Variants in MALRD1 observed in about 807,000 individuals in gnomAD.
MALRD1 encodes MAM and LDL-receptor class A domain-containing protein 1.
A neutral mutation model predicts 242.1 loss-of-function variants in MALRD1; 247 were observed. The observed-to-expected ratio is 1.02, with a 90% CI of 0.92 to 1.13. MALRD1 has a LOEUF of 1.13. Among genes scored for constraint, MALRD1 ranks in the 50% most tolerant of loss-of-function variants. The pLI, the probability that MALRD1 is intolerant of heterozygous loss-of-function variation, is 0.00. For synonymous variants in MALRD1, 995 were observed against 866.6 expected (o/e 1.15, Z -2.60); for missense variants, 2,989 against 2,533.1 (o/e 1.18, Z -3.86).
intron 5 of MALRD1, among the ~76,000 whole-genome samples, chr10:19,117,346 A>C (rs1836906686): frequency 1.3e-5 from 2 of 152,206 alleles, no homozygotes. Flanking sequence ...AGTGGTAGAC[A>C]CTGGTGAAAG....
chr10:19,309,848 C>T (rs930446835), intron 21 of MALRD1, among the ~76,000 whole-genome samples: 1 of 151,294 alleles, frequency 6.6e-6, no homozygotes, highest in African/African-American at 2.4e-5. Context: ...ACAGCTGGCA[C>T]AAAGAATTTA....
intron 14 of MALRD1, among the ~76,000 whole-genome samples, chr10:19,196,767 A>G (rs540938520): frequency 1.1e-4 from 17 of 152,102 alleles, no homozygotes; most frequent in African/African-American, 4.1e-4. Flanking sequence ...AGTCTTCCCC[A>G]CTTCATAAAT....
chr10:19,390,564 GA>G (rs1249991680), intron 28 of MALRD1, among the ~76,000 whole-genome samples: 1 of 152,120 alleles, frequency 6.6e-6, no homozygotes, highest in East Asian at 1.9e-4. Flanking sequence ...AACAGTAGCC[GA>G]AAGGAGATGT....
intron 31 of MALRD1, among the ~76,000 whole-genome samples, chr10:19,499,387 A>G (rs1837865571): frequency 6.6e-6 from 1 of 151,396 alleles, no homozygotes; most frequent in South Asian, 2.1e-4. Context: ...ATGAACTTTG[A>G]GTAAAGTGGA....
intron 18 of MALRD1, among the ~76,000 whole-genome samples, chr10:19,228,826 T>C (rs1837910752): frequency 2.0e-5 from 3 of 152,154 alleles, no homozygotes; most frequent in African/African-American, 7.2e-5. Flanking sequence ...ATAAAGGATA[T>C]ACCAAACAAC....
At chr10:19,311,253 C>CT (rs1468040724) in intron 21 of MALRD1, among the ~76,000 whole-genome samples, 13 of 150,874 alleles carry the variant, frequency 8.6e-5, no homozygotes, top group African/African-American at 3.2e-4. Context: ...TTTTATTAAC[C>CT]TTGGTTATAT....
At position 19,517,339 on chromosome 10, in the gene MALRD1, C is replaced by A. The variant is rs115489533; in HGVS notation, c.5321-13855C>A. On this transcript the variant is annotated intron_variant, in intron 31 of 39. Transcript: ENST00000454679. ...GGTGAAAACATGGGCAATTTCTTTT[C>A]CAATAGCCTGGCTGTTTACAATAAA... 5.1e-3 allele frequency among the ~76,000 whole-genome samples: 783 copies of A among 152,226 alleles called. 9 individuals carry two copies. The highest frequency in any genetic ancestry group is 0.018 in the African/African-American group (738 of 41,546).
At chr10:19,255,980 T>C (rs1839490042) in intron 18 of MALRD1, among the ~76,000 whole-genome samples, 1 of 152,030 alleles carries the variant, frequency 6.6e-6, no homozygotes, top group Non-Finnish European at 1.5e-5. Context: ...CTTGGAACAA[T>C]TGACTCCAAA....
At chr10:19,683,981 A>T (rs1842475470) in intron 36 of MALRD1, among the ~76,000 whole-genome samples, 1 of 151,586 alleles carries the variant, frequency 6.6e-6, no homozygotes. Flanking sequence ...CCCTGTGTCC[A>T]TGTGTTCTCA....
At chr10:19,653,613 C>CTTGCCTCTGGGAGACTTTGT in intron 36 of MALRD1, among the ~76,000 whole-genome samples, 1 of 151,688 alleles carries the variant, frequency 6.6e-6, no homozygotes, top group African/African-American at 2.4e-5. Flanking sequence ...TTAATTTTTT[C>CTTGCCTCTGGGAGACTTTGT]TTCTTGCCTC....
chr10:19,541,577 AG>A (rs962082533), intron 32 of MALRD1, among the ~76,000 whole-genome samples: 2 of 152,182 alleles, frequency 1.3e-5, no homozygotes, highest in African/African-American at 4.8e-5. Context: ...AATAGATTCA[AG>A]TTTCTCCTTC....
chr10:19,085,451 T>C (rs1258470051), intron 2 of MALRD1, among the ~76,000 whole-genome samples: 1 of 151,958 alleles, frequency 6.6e-6, no homozygotes, highest in Non-Finnish European at 1.5e-5. Context: ...AAAACAGATA[T>C]TGCCACTGGG....
chr10:19,384,228 T>C (rs1422857058), intron 26 of MALRD1, among the ~76,000 whole-genome samples: 1 of 145,556 alleles, frequency 6.9e-6, no homozygotes, highest in East Asian at 2.0e-4. Context: ...TTTTGTCCTA[T>C]AGAGTTGTAA....
At chr10:19,240,577 G>C (rs1267204042) in intron 18 of MALRD1, among the ~76,000 whole-genome samples, 1 of 151,696 alleles carries the variant, frequency 6.6e-6, no homozygotes, top group African/African-American at 2.4e-5. Flanking sequence ...TTGTCTAATT[G>C]CTCTGGCTCT....
At chr10:19,152,614 G>A (rs10827000) in intron 11 of MALRD1, among the ~76,000 whole-genome samples, 11,775 of 151,898 alleles carry the variant, frequency 0.078, 560 homozygotes, top group Non-Finnish European at 0.11. Context: ...ATTTCTTGCT[G>A]TTTATGTATC....
chr10:19,482,463 A>T (rs1052399104), intron 29 of MALRD1, among the ~76,000 whole-genome samples: 1 of 152,036 alleles, frequency 6.6e-6, no homozygotes, highest in Non-Finnish European at 1.5e-5. Flanking sequence ...AAGGCATCCA[A>T]ATAGGGTAAG....
chr10:19,229,107 A>C (rs941758140), intron 18 of MALRD1, among the ~76,000 whole-genome samples: 2 of 152,076 alleles, frequency 1.3e-5, no homozygotes, highest in Non-Finnish European at 2.9e-5. Context: ...AAATAAAGTG[A>C]ACACACTGAT....
rs142597689 is a variant in MALRD1 at position 19,353,309 on chromosome 10, T to G, written c.4441+1012T>G. ...GGCATGAACCACCATGCCCAGCAGA[T>G]ATTAATTTTTTAAACCATGAGTTTA... On this transcript the variant is annotated intron_variant, in intron 26 of 39. Transcript: ENST00000454679. 3.0e-3 allele frequency among the ~76,000 whole-genome samples: 452 copies of G among 152,220 alleles called. 3 individuals are homozygous for G. The highest frequency in any genetic ancestry group is 0.01 in the African/African-American group (421 of 41,538).
intron 28 of MALRD1, among the ~76,000 whole-genome samples, chr10:19,396,852 C>A (rs1846606300): frequency 6.6e-6 from 1 of 152,112 alleles, no homozygotes. Flanking sequence ...ACTTAGCTTG[C>A]CAGCATCTAG....
Sources: allele counts gnomAD v4.1 joint callset (sites outside exome capture counted in the v4.1 genomes callset), GRCh38; gene constraint gnomAD v4.1.1; transcripts MANE v1.5; gene names NCBI Gene and HGNC (gene_info 2026-07-23, HGNC 2026-07-21).